The following ALCAM variants were observed in gnomAD, a reference collection of about 807,000 sequenced individuals.
ALCAM encodes the protein activated leukocyte cell adhesion molecule, also known as CD166 antigen.
A neutral mutation model predicts 70.9 loss-of-function variants in ALCAM; 30 were observed. The observed-to-expected ratio is 0.42, with a 90% CI of 0.32 to 0.57. ALCAM has a LOEUF of 0.57. ALCAM is among the 20% of genes least tolerant of loss of function. ALCAM has a pLI of 0.11. For missense variants in ALCAM, 591 were observed against 695.1 expected (o/e 0.85, Z 1.68); for synonymous variants, 249 against 242.5 (o/e 1.03, Z -0.25).
At chr3:105,378,952 T>A (rs1013956947) in intron 1 of ALCAM, among the ~76,000 whole-genome samples, 1 of 151,908 alleles carries the variant, frequency 6.6e-6, no homozygotes, top group Non-Finnish European at 1.5e-5. Context: ...AGAAGACTAT[T>A]CTCCAGGCTT....
intron 14 of ALCAM, among the ~76,000 whole-genome samples, chr3:105,562,690 A>C (rs1940651289): frequency 6.6e-6 from 1 of 152,186 alleles, no homozygotes; most frequent in Non-Finnish European, 1.5e-5. Context: ...TTCTTTTTCC[A>C]AGTTTGTTAA....
chr3:105,473,321 T>G (rs1225951346), intron 1 of ALCAM, among the ~76,000 whole-genome samples: 1 of 151,464 alleles, frequency 6.6e-6, no homozygotes, highest in Non-Finnish European at 1.5e-5. Flanking sequence ...TTAATTACCT[T>G]ACTTCAAAAA....
intron 11 of ALCAM, among the ~76,000 whole-genome samples, chr3:105,548,736 C>G (rs1940314995): frequency 6.6e-6 from 1 of 151,428 alleles, no homozygotes. Flanking sequence ...CAAAGAAGCT[C>G]TGGGCTCCTC....
At chr3:105,428,688 C>T (rs1160078781) in intron 1 of ALCAM, among the ~76,000 whole-genome samples, 1 of 151,844 alleles carries the variant, frequency 6.6e-6, no homozygotes, top group Non-Finnish European at 1.5e-5. Context: ...ATTTGCCTCT[C>T]CTATAGAAAC....
At chr3:105,401,420 A>G (rs974374666) in intron 1 of ALCAM, among the ~76,000 whole-genome samples, 1 of 152,206 alleles carries the variant, frequency 6.6e-6, no homozygotes, top group African/African-American at 2.4e-5. Flanking sequence ...TCAGGAGAAG[A>G]TAATAGTCAG....
chr3:105,543,677 A>G (rs1940176679), intron 8 of ALCAM, among the ~76,000 whole-genome samples: 1 of 151,636 alleles, frequency 6.6e-6, no homozygotes, highest in Non-Finnish European at 1.5e-5. Context: ...CAATATATGC[A>G]CACATAGAGT....
intron 1 of ALCAM, among the ~76,000 whole-genome samples, chr3:105,394,350 T>C (rs140528004): frequency 1.3e-5 from 2 of 152,034 alleles, no homozygotes; most frequent in East Asian, 1.9e-4. Flanking sequence ...GAGGGAAGCA[T>C]AGGCATGTTG....
rs568609235 is a variant in ALCAM, at chr3:105,562,427, T to C, written c.1665-9425T>C. On this transcript the variant is annotated intron_variant, in intron 14 of 15. Coordinates refer to ENST00000306107, the MANE Select transcript of ALCAM (RefSeq NM_001627.4). ...CATATTGTTTACTCTGTTAATATAG[T>C]AAATTACATTCATTGATTGTTGAAT... is the stretch of plus-strand genomic sequence containing the variant. 5.3e-5 allele frequency among the ~76,000 whole-genome samples: 8 copies of C among 152,350 alleles called. No individual in the cohort carries two copies. The East Asian group carries it at 1.5e-3, about 29-fold the overall frequency.
intron 1 of ALCAM, among the ~76,000 whole-genome samples, chr3:105,476,751 A>T (rs1156381276): frequency 6.6e-6 from 1 of 152,080 alleles, no homozygotes; most frequent in South Asian, 2.1e-4. Flanking sequence ...TCTTTCGTTT[A>T]GTCTCCAAAG....
At chr3:105,541,516 A>G (rs919121658) in intron 7 of ALCAM, 117 bp from the exon 8 acceptor site, 11 of 1,117,744 alleles carry the variant, frequency 9.8e-6, no homozygotes, top group African/African-American at 4.7e-5. Context: ...TGTGTGATCA[A>G]TGAAACACAT....
chr3:105,482,727 A>C (rs1938307379), intron 1 of ALCAM, among the ~76,000 whole-genome samples: 1 of 152,138 alleles, frequency 6.6e-6, no homozygotes, highest in Admixed American at 6.6e-5. Flanking sequence ...ATCCATTAGA[A>C]TTATGTTGTT....
intron 1 of ALCAM, among the ~76,000 whole-genome samples, chr3:105,373,859 A>G (rs1935307354): frequency 6.6e-6 from 1 of 152,204 alleles, no homozygotes; most frequent in Non-Finnish European, 1.5e-5. Flanking sequence ...CCTGACATTC[A>G]TGCATTACTA....
At chr3:105,444,770 A>G (rs1463066007) in intron 1 of ALCAM, among the ~76,000 whole-genome samples, 1 of 152,162 alleles carries the variant, frequency 6.6e-6, no homozygotes, top group Non-Finnish European at 1.5e-5. Context: ...CCCTATTTCT[A>G]TCTTTTTTAA....
At chr3:105,525,304 T>C in intron 3 of ALCAM, 1 of 980,864 alleles carries the variant, frequency 1.0e-6, no homozygotes, top group Non-Finnish European at 1.2e-6. Context: ...TGATAGCATA[T>C]AGTTAATGTT....
At chr3:105,485,091 A>G (rs1334577023) in intron 1 of ALCAM, among the ~76,000 whole-genome samples, 2 of 152,138 alleles carry the variant, frequency 1.3e-5, no homozygotes, top group Non-Finnish European at 2.9e-5. Context: ...CGAATTATGA[A>G]AACAAACTAC....
intron 14 of ALCAM, among the ~76,000 whole-genome samples, chr3:105,568,465 C>T (rs1339122794): frequency 1.3e-5 from 2 of 152,082 alleles, no homozygotes; most frequent in African/African-American, 4.8e-5. Flanking sequence ...GTTTGCTAAG[C>T]ACTTCTGGCT....
chr3:105,411,595 C>T (rs142712281), intron 1 of ALCAM, among the ~76,000 whole-genome samples: 1 of 152,194 alleles, frequency 6.6e-6, no homozygotes, highest in East Asian at 1.9e-4. Context: ...CTCTTTGTAA[C>T]ACGGGTAATT....
chr3:105,569,589 T>C (rs1484393880), intron 14 of ALCAM, among the ~76,000 whole-genome samples: 1 of 152,168 alleles, frequency 6.6e-6, no homozygotes, highest in African/African-American at 2.4e-5. Context: ...AACACTAATA[T>C]ATTAAGGAAC....
intron 1 of ALCAM, among the ~76,000 whole-genome samples, chr3:105,485,175 C>T (rs964988858): frequency 6.6e-6 from 1 of 152,018 alleles, no homozygotes; most frequent in Non-Finnish European, 1.5e-5. Context: ...ATCCTTAATG[C>T]ATCATGAAAA....
Sources: gnomAD v4.1 joint callset for allele counts (sites outside exome capture counted in the v4.1 genomes callset) on GRCh38, gnomAD v4.1.1 for gene constraint, MANE v1.5 for transcripts, NCBI Gene and HGNC (gene_info 2026-07-23, HGNC 2026-07-21) for gene names.